EBF2: variants seen among roughly 807,000 people sequenced by gnomAD.
EBF2 encodes the protein transcription factor COE2.
EBF2 carries 21 observed loss-of-function variants against 72.8 expected under a neutral mutation model. That is an observed-to-expected ratio of 0.29 (90% CI 0.20 to 0.42). The LOEUF is 0.42. Ranked by LOEUF, EBF2 falls within the 10% of genes least tolerant of loss-of-function variation. The probability of loss-of-function intolerance (pLI) is 1.00; values close to 1 mark genes in which losing one functional copy is unlikely to be tolerated. For missense variants in EBF2, 637 were observed against 731.2 expected, an observed-to-expected ratio of 0.87 and a Z score of 1.49; for synonymous variants, 299 against 274.2, an observed-to-expected ratio of 1.09 and a Z score of -0.89.
chr8:25,889,650 G>T, intron 8 of EBF2, 102 bp downstream of exon 8: 2 of 883,540 alleles, frequency 2.3e-6, no homozygotes, highest in Non-Finnish European at 1.8e-6. Flanking sequence ...ATTGTTCTGT[G>T]TACTTTCTCT....
chr8:25,922,100 G>A (rs1320588436), intron 6 of EBF2, among the ~76,000 whole-genome samples: 1 of 152,128 alleles, frequency 6.6e-6, no homozygotes, highest in Admixed American at 6.5e-5. Context: ...CAATGTAAAT[G>A]GGGCAGATTC....
chr8:26,002,890 G>T (rs1804760724), intron 6 of EBF2, among the ~76,000 whole-genome samples: 1 of 26,270 alleles, frequency 3.8e-5, no homozygotes, highest in Admixed American at 2.3e-4. Flanking sequence ...GGGCAGGCGG[G>T]CAGGCAGGCG....
At chr8:25,940,629 A>G (rs887977867) in intron 6 of EBF2, among the ~76,000 whole-genome samples, 11 of 150,452 alleles carry the variant, frequency 7.3e-5, no homozygotes, top group African/African-American at 7.5e-5. Flanking sequence ...ATTAAAAAAA[A>G]AAATAAAAAA....
At chr8:26,034,371 G>A (rs1438167460) in intron 5 of EBF2, among the ~76,000 whole-genome samples, 6 of 152,120 alleles carry the variant, frequency 3.9e-5, no homozygotes, top group East Asian at 1.9e-4. Flanking sequence ...TTTCCAAGAC[G>A]TCCCTCTTGT....
chr8:26,012,233 G>A (rs1805037432), intron 6 of EBF2, among the ~76,000 whole-genome samples: 1 of 152,110 alleles, frequency 6.6e-6, no homozygotes. Flanking sequence ...GAACATACGA[G>A]AGAGATTTTC....
At chr8:25,945,094 C>CT (rs959469684) in intron 6 of EBF2, among the ~76,000 whole-genome samples, 11 of 140,984 alleles carry the variant, frequency 7.8e-5, no homozygotes, top group Admixed American at 2.2e-4. Flanking sequence ...TGTTGCCCCC[C>CT]CCGCCCCACC....
At chr8:25,886,297 G>A (rs565784936) in intron 10 of EBF2, among the ~76,000 whole-genome samples, 12 of 152,290 alleles carry the variant, frequency 7.9e-5, no homozygotes, top group Non-Finnish European at 1.6e-4. Context: ...CTTAGAAAAA[G>A]CAGTTGATAC....
chr8:25,970,433 A>G (rs1296294092), intron 6 of EBF2, among the ~76,000 whole-genome samples: 1 of 152,130 alleles, frequency 6.6e-6, no homozygotes, highest in Non-Finnish European at 1.5e-5. Context: ...CCTTAGACAT[A>G]TGAACCCACA....
At chr8:25,993,225 C>G (rs1268145248) in intron 6 of EBF2, among the ~76,000 whole-genome samples, 1 of 152,176 alleles carries the variant, frequency 6.6e-6, no homozygotes, top group Non-Finnish European at 1.5e-5. Flanking sequence ...CTGTCAACCA[C>G]CTTTGGATAA....
Position 25,889,784 on chromosome 8 carries a change from C to T in EBF2, c.719G>A (p.Gly240Glu). The T allele has an allele frequency of 6.2e-7, 1 of 1,614,026 alleles. No homozygotes were observed. Among genetic ancestry groups the T allele is most frequent in the Non-Finnish European group, 8.5e-7 (1 of 1,179,944 alleles). The change falls in exon 8 of 16, where the codon GGA (glycine) becomes GAA (glutamate). Residue 240 changes from glycine to glutamate, a missense_variant. By Grantham distance (98) the Gly-to-Glu change is moderately conservative. This residue lies in a region of EBF2 where 204 missense variants were observed against 301.2 expected (regional missense o/e 0.68). Transcript: ENST00000520164. ...TGGATCGAGTCTTCTTGCTCTCCGT[C>T]CATGCTTGGAGTTGTTATGAACAAA... ...NMFVHNNSKH[G>E]RRARRLDPSE...
At chr8:26,021,129 C>T (rs986859436) in intron 6 of EBF2, among the ~76,000 whole-genome samples, 8 of 152,058 alleles carry the variant, frequency 5.3e-5, no homozygotes, top group Admixed American at 5.2e-4. Flanking sequence ...CAAAAACAAT[C>T]CAGGGGAGGT....
chr8:25,887,149 C>T (rs1037403610), intron 9 of EBF2, among the ~76,000 whole-genome samples: 2 of 152,054 alleles, frequency 1.3e-5, no homozygotes, highest in East Asian at 3.9e-4. Context: ...CTGTCTCTCT[C>T]TCTCTGACCC....
intron 6 of EBF2, among the ~76,000 whole-genome samples, chr8:25,922,414 A>C (rs1473739237): frequency 6.6e-6 from 1 of 152,216 alleles, no homozygotes; most frequent in African/African-American, 2.4e-5. Context: ...GGTGTGGTAG[A>C]AATGTGTTTC....
chr8:25,975,760 C>T (rs1804258742), intron 6 of EBF2, among the ~76,000 whole-genome samples: 1 of 152,122 alleles, frequency 6.6e-6, no homozygotes, highest in South Asian at 2.1e-4. Context: ...TCTACAGTAA[C>T]TCTACAGTAT....
Position 25,908,526 on chromosome 8 carries a change from T to C in EBF2, c.581A>G (p.Asn194Ser). Residue 194 changes from asparagine (N) to serine (S), a missense_variant, in exon 7 of 16, where the codon AAT becomes AGT. Physicochemically the swap from Asn to Ser is conservative, Grantham distance 46. Transcript: ENST00000520164. Reference protein sequence around the residue: ...RFFLKFFLKCNQNCLKTAGNP... With the variant: ...RFFLKFFLKCSQNCLKTAGNP... ...TCCTGCTGTTTTCAAACAATTCTGA[T>C]TGCACTTGAGGAAAAATTTTAAAAA... The C allele has an allele frequency of 6.2e-7, 1 of 1,613,582 alleles. No individual in the cohort carries two copies. Among genetic ancestry groups the C allele is most frequent in the Non-Finnish European group, 8.5e-7 (1 of 1,179,590 alleles).
At chr8:25,984,587 C>T (rs755895742) in intron 6 of EBF2, among the ~76,000 whole-genome samples, 8 of 151,858 alleles carry the variant, frequency 5.3e-5, no homozygotes, top group Non-Finnish European at 1.0e-4. Context: ...GAGGCTGAGA[C>T]AGGAGAATTG....
At chr8:25,992,324 A>G (rs1370201198) in intron 6 of EBF2, among the ~76,000 whole-genome samples, 33 of 110,178 alleles carry the variant, frequency 3.0e-4, no homozygotes, top group African/African-American at 1.1e-3. Flanking sequence ...ACAGCGTGAG[A>G]CTCTGTCTCA....
Position 25,858,340 on chromosome 8 carries a change from G to A in EBF2, c.1507C>T (p.Pro503Ser). 12 of 1,614,176 alleles carry A rather than the reference G, an allele frequency of 7.4e-6. No individual in the cohort carries two copies. Among genetic ancestry groups the A allele is most frequent in the South Asian group, 1.1e-5 (1 of 91,084 alleles). The stretch of plus-strand genomic sequence containing the variant: ...TTACTTCCATAAGGAGAGCCGGTGG[G>A]TGAGCCATTTAGAAATCCTGGTGAA... ...PGSPGFLNGSPTGSPYGIMSS... is the reference protein window; with the variant it reads ...PGSPGFLNGSSTGSPYGIMSS... The change falls in exon 14 of 16, where the codon CCC (proline) becomes TCC (serine). Residue 503 changes from proline to serine, a missense_variant. This residue lies in a region of EBF2 where 259 missense variants were observed against 268.1 expected (regional missense o/e 0.97). Coordinates refer to ENST00000520164, the MANE Select transcript of EBF2 (RefSeq NM_022659.4).
intron 6 of EBF2, among the ~76,000 whole-genome samples, chr8:25,961,312 A>G (rs1157549127): frequency 6.6e-6 from 1 of 152,184 alleles, no homozygotes; most frequent in Non-Finnish European, 1.5e-5. Context: ...AAATTTTACA[A>G]TTTGCTATTT....
Sources: gnomAD v4.1 joint callset for allele counts (sites outside exome capture counted in the v4.1 genomes callset) on GRCh38, gnomAD v4.1.1 for gene constraint, gnomAD v4.1.1 regional missense constraint, MANE v1.5 for transcripts, NCBI Gene and HGNC (gene_info 2026-07-23, HGNC 2026-07-21) for gene names.